The following AKR1C3 variants were observed in gnomAD, a reference collection of about 807,000 sequenced individuals.
AKR1C3 encodes the protein aldo-keto reductase family 1 member C3.
Under a neutral mutation model 43.6 loss-of-function variants are expected in AKR1C3, and 48 were observed. The ratio of observed to expected loss-of-function variants is 1.10; its 90% CI spans 0.87 to 1.40. The LOEUF (loss-of-function observed/expected upper bound fraction) is 1.40. AKR1C3 is among the 40% of genes most tolerant of loss of function. The probability of loss-of-function intolerance (pLI) is 0.00; values close to 1 mark genes in which losing one functional copy is unlikely to be tolerated. For missense variants in AKR1C3, 482 were observed against 391.2 expected (o/e 1.23, Z -1.96); for synonymous variants, 162 against 139.6 (o/e 1.16, Z -1.13).
chr10:5,062,947 A>AT, intron 1 of AKR1C3, among the ~76,000 whole-genome samples: 1 of 152,106 alleles, frequency 6.6e-6, no homozygotes, highest in South Asian at 2.1e-4. Flanking sequence ...ATGTAAGAAA[A>AT]TGGTATAGGG....
At chr10:5,064,921 C>CAAAAAAA (rs35858845) in intron 1 of AKR1C3, among the ~76,000 whole-genome samples, 38 of 141,910 alleles carry the variant, frequency 2.7e-4, no homozygotes, top group African/African-American at 9.3e-4. Context: ...ACAAAATAAG[C>CAAAAAAA]AAAAAAAAAA....
intron 1 of AKR1C3, among the ~76,000 whole-genome samples, chr10:5,060,290 T>G (rs4255442): frequency 0.57 from 86,349 of 151,988 alleles, 25,500 homozygotes; most frequent in East Asian, 0.79. Flanking sequence ...TTATTCTCTT[T>G]TCTGGTCCCA....
intron 1 of AKR1C3, among the ~76,000 whole-genome samples, chr10:5,075,409 A>G (rs1188709527): frequency 6.6e-6 from 1 of 152,128 alleles, no homozygotes; most frequent in African/African-American, 2.4e-5. Flanking sequence ...GTGGCCCTAC[A>G]TCTAACGCCA....
At chr10:5,086,829 A>G (rs1838976139) in intron 1 of AKR1C3, among the ~76,000 whole-genome samples, 1 of 152,148 alleles carries the variant, frequency 6.6e-6, no homozygotes. Context: ...ACCATTATGT[A>G]GTGGCCTTCT....
At chr10:5,058,722 G>C (rs1196008445) in intron 1 of AKR1C3, among the ~76,000 whole-genome samples, 1 of 152,160 alleles carries the variant, frequency 6.6e-6, no homozygotes, top group Non-Finnish European at 1.5e-5. Flanking sequence ...CAGCAGAAAC[G>C]CTAGTTTTCC....
Position 5,096,447 on chromosome 10 carries a change from C to T in AKR1C3, c.122C>T (p.Ala41Val). The T allele has an allele frequency of 2.5e-6, 4 of 1,613,552 alleles. No homozygotes were observed. The highest frequency in any genetic ancestry group is 3.4e-6 in the Non-Finnish European group (4 of 1,179,610). The change falls in exon 2 of 9, where the codon GCA becomes GTA. Residue 41 changes from alanine to valine, a missense_variant. Ala to Val is a moderately conservative substitution (Grantham distance 64). Coordinates refer to ENST00000380554, the MANE Select transcript of AKR1C3 (RefSeq NM_003739.6). Reference sequence around the variant, plus strand: ...AAAGCTTTGGAGGTCACAAAATTAGCAATAGAAGCTGGGTTCCGCCATATA... The same window carrying T: ...AAAGCTTTGGAGGTCACAAAATTAGTAATAGAAGCTGGGTTCCGCCATATA... ...RSKALEVTKL[A>V]IEAGFRHIDS...
intron 1 of AKR1C3, among the ~76,000 whole-genome samples, chr10:5,067,407 G>A (rs1554780893): frequency 6.6e-6 from 1 of 152,166 alleles, no homozygotes; most frequent in African/African-American, 2.4e-5. Flanking sequence ...AATTCCAAGA[G>A]TGTGGAGGGA....
At chr10:5,073,853 G>C (rs950677426) in intron 1 of AKR1C3, among the ~76,000 whole-genome samples, 1 of 152,036 alleles carries the variant, frequency 6.6e-6, no homozygotes, top group African/African-American at 2.4e-5. Context: ...GTTGAAGGCA[G>C]AGTTGAGCTT....
At chr10:5,097,998 C>A in intron 3 of AKR1C3, 3 of 1,013,006 alleles carry the variant, frequency 3.0e-6, no homozygotes, top group Middle Eastern at 4.9e-4. Context: ...AAATTAGAAA[C>A]CCTTAATGTG....
At chr10:5,072,526 C>G (rs1319781634) in intron 1 of AKR1C3, among the ~76,000 whole-genome samples, 2 of 152,190 alleles carry the variant, frequency 1.3e-5, no homozygotes, top group Non-Finnish European at 2.9e-5. Context: ...GACTAAGCCT[C>G]TAGCCAGAAT....
intron 5 of AKR1C3, chr10:5,099,686 C>A (rs1050334198): frequency 3.2e-6 from 2 of 631,532 alleles, no homozygotes; most frequent in Non-Finnish European, 5.0e-6. Flanking sequence ...AGGGGAGGTC[C>A]ATTTGATCAG....
chr10:5,095,455 A>T (rs1554784964), intron 1 of AKR1C3, among the ~76,000 whole-genome samples: 1 of 151,362 alleles, frequency 6.6e-6, no homozygotes. Context: ...GTGTTGGCAC[A>T]CTTAAAGACT....
At chr10:5,102,056 A>G (rs1426678672) in intron 5 of AKR1C3, 45 bp from the exon 6 acceptor site, 2 of 1,190,452 alleles carry the variant, frequency 1.7e-6, no homozygotes, top group East Asian at 2.3e-5. Flanking sequence ...TATTAACATA[A>G]CTATTTCATA....
upstream of AKR1C3, among the ~76,000 whole-genome samples, chr10:5,090,001 T>A (rs1839051299): frequency 6.6e-6 from 1 of 152,148 alleles, no homozygotes; most frequent in Non-Finnish European, 1.5e-5. Context: ...CTATGGCACT[T>A]GTGTTGGTAG....
intron 1 of AKR1C3, among the ~76,000 whole-genome samples, chr10:5,082,163 T>C (rs1328558821): frequency 3.9e-5 from 6 of 152,210 alleles, no homozygotes; most frequent in Non-Finnish European, 8.8e-5. Flanking sequence ...CTGAGGTTGT[T>C]TATTAAATCT....
In AKR1C3 at chr10:5,107,660, CAATA is replaced by C; in HGVS notation, c.*161_*164del. 1.7e-6 allele frequency: 1 copy of C among 572,578 alleles called. No individual in the cohort carries two copies. Among genetic ancestry groups the C allele is most frequent in the Non-Finnish European group, 3.1e-6 (1 of 322,526 alleles). The allele number at this position is 572,578 out of a possible 1,614,324, so 35.5% of individuals were successfully genotyped here. ...CAGCTGAGTCCATAGGCCAGAAAGACAATAAATTTTTATCATTTTGAAATAATTG... is the reference window on the plus strand; with the variant it reads ...CAGCTGAGTCCATAGGCCAGAAAGACAATTTTTATCATTTTGAAATAATTG... On this transcript the variant is annotated 3_prime_UTR_variant, in exon 9 of 9. Transcript: ENST00000380554.
chr10:5,106,634 C>G (rs1343321031), intron 8 of AKR1C3, among the ~76,000 whole-genome samples: 4 of 151,908 alleles, frequency 2.6e-5, no homozygotes, highest in African/African-American at 9.7e-5. Flanking sequence ...ACCTGTAATC[C>G]CAGCTACTTG....
chr10:5,060,649 G>C (rs1277744461), intron 1 of AKR1C3, among the ~76,000 whole-genome samples: 1 of 152,240 alleles, frequency 6.6e-6, no homozygotes, highest in Admixed American at 6.5e-5. Flanking sequence ...CACTGGGGCT[G>C]CAGGTGGAGC....
intron 1 of AKR1C3, among the ~76,000 whole-genome samples, chr10:5,082,454 T>G (rs560331941): frequency 2.6e-4 from 40 of 152,260 alleles, no homozygotes; most frequent in Non-Finnish European, 3.2e-4. Context: ...TTTTGAGTCA[T>G]GTTCCCTTGA....
Sources: gnomAD v4.1 joint callset for allele counts (sites outside exome capture counted in the v4.1 genomes callset) on GRCh38, gnomAD v4.1.1 for gene constraint, MANE v1.5 for transcripts, NCBI Gene and HGNC (gene_info 2026-07-23, HGNC 2026-07-21) for gene names.